The following DHRS4 variants were observed in gnomAD, a reference collection of about 807,000 sequenced individuals.
The protein encoded by DHRS4 is dehydrogenase/reductase SDR family member 4.
In DHRS4, 20 loss-of-function variants were observed where a neutral mutation model predicts 28.4. The observed-to-expected ratio is 0.71, with a 90% CI of 0.50 to 1.02. DHRS4 has a LOEUF of 1.02. Ranked by LOEUF, DHRS4 falls within the 50% of genes least tolerant of loss-of-function variation. The probability of loss-of-function intolerance (pLI) is 0.00; values close to 1 mark genes in which losing one functional copy is unlikely to be tolerated. For missense variants in DHRS4, 378 were observed against 367.2 expected, an observed-to-expected ratio of 1.03 and a Z score of -0.24; for synonymous variants, 144 against 146.4, an observed-to-expected ratio of 0.98 and a Z score of 0.12.
At chr14:23,963,955 T>G (rs1424744447) in intron 3 of DHRS4, among the ~76,000 whole-genome samples, 1 of 150,586 alleles carries the variant, frequency 6.6e-6, no homozygotes, top group Non-Finnish European at 1.5e-5. Flanking sequence ...GGGAGAGAGA[T>G]GAGAGAAGGG....
intron 3 of DHRS4, among the ~76,000 whole-genome samples, chr14:23,961,691 T>G (rs1379182896): frequency 1.1e-5 from 1 of 92,220 alleles, no homozygotes; most frequent in Non-Finnish European, 1.9e-5. Flanking sequence ...GCTAATTTTT[T>G]GTATTGAGAT....
At chr14:23,953,992 G>C (rs1328855709) in intron 1 of DHRS4, 76 bp downstream of exon 1, 6 of 1,534,738 alleles carry the variant, frequency 3.9e-6, no homozygotes, top group Admixed American at 4.0e-5. Flanking sequence ...TCGGCCTCCG[G>C]TGCCCCTGTC....
intron 2 of DHRS4, among the ~76,000 whole-genome samples, chr14:23,956,599 CTTTTTTTTTT>C (rs1229716867): frequency 1.7e-5 from 2 of 116,976 alleles, no homozygotes; most frequent in South Asian, 2.6e-4. Context: ...CCTCCATATC[CTTTTTTTTTT>C]TTTTTTTTTT....
In DHRS4 at chr14:23,965,891, G is replaced by A. The variant is rs367588491; in HGVS notation, c.480-41G>A. 220 of 1,606,598 alleles carry A rather than the reference G, an allele frequency of 1.4e-4. 8 individuals carry two copies. The highest frequency in any genetic ancestry group is 1.8e-4 in the Non-Finnish European group (214 of 1,176,250). On this transcript the variant is annotated intron_variant, in intron 4 of 7. Coordinates refer to ENST00000313250, the MANE Select transcript of DHRS4 (RefSeq NM_021004.4). ...GGACACCACACGGGCTGAGGGCACT[G>A]GTCCACAATGGGAAGATGGTCAGCT...
intron 2 of DHRS4, among the ~76,000 whole-genome samples, chr14:23,957,664 C>A (rs2033231435): frequency 6.7e-6 from 1 of 149,846 alleles, no homozygotes; most frequent in South Asian, 2.1e-4. Flanking sequence ...TCAAGCAATC[C>A]TCCCACCTCA....
chr14:23,960,696 C>A (rs1297489649), intron 3 of DHRS4, among the ~76,000 whole-genome samples: 1 of 152,024 alleles, frequency 6.6e-6, no homozygotes, highest in Non-Finnish European at 1.5e-5. Context: ...GGTTAATATT[C>A]CCACATGATT....
chr14:23,959,875 T>G lies in DHRS4; in HGVS notation c.307-27T>G, dbSNP rs375935762. ...GCACCTCCCTTACTTACTGCAGCCC[T>G]GGTCCAGAACTTACCCCTCTCTCTA... On this transcript the variant is annotated intron_variant, in intron 2 of 7. Transcript: ENST00000313250. The G allele has an allele frequency of 3.1e-6, 5 of 1,609,778 alleles. No individual in the cohort carries two copies. In the African/African-American group the frequency reaches 6.8e-5, roughly 22 times the overall value.
intron 7 of DHRS4, chr14:23,967,833 G>C (rs75271114): frequency 0.25 from 23,720 of 96,282 alleles, 1,888 homozygotes; most frequent in African/African-American, 0.6. Flanking sequence ...CTCTGTACTC[G>C]TCCAGACATC....
chr14:23,960,567 C>T (rs2033377312), intron 3 of DHRS4, among the ~76,000 whole-genome samples: 1 of 151,988 alleles, frequency 6.6e-6, no homozygotes, highest in South Asian at 2.1e-4. Flanking sequence ...TGTCTAAATT[C>T]AAGTGGTAGA....
rs1282481029 is a variant in DHRS4 at position 23,956,795 on chromosome 14, G to A, written c.306+1583G>A. Among the ~76,000 whole-genome samples the A allele has an allele frequency of 2.6e-5, 4 of 151,934 alleles. No individual in the cohort carries two copies. The East Asian group carries it at 7.7e-4, about 29-fold the overall frequency. On this transcript the variant is annotated intron_variant, in intron 2 of 7. Coordinates refer to ENST00000313250, the MANE Select transcript of DHRS4 (RefSeq NM_021004.4). ...ATTTTTGTATTTTTGGTAGAGACAG[G>A]GTTTCACCATGTTGGCCAGGCTGGT...
intron 3 of DHRS4, among the ~76,000 whole-genome samples, chr14:23,964,104 T>A (rs541290761): frequency 1.3e-5 from 2 of 149,694 alleles, no homozygotes; most frequent in East Asian, 3.9e-4. Context: ...ACAATAATAA[T>A]GGAAAGGTCT....
chr14:23,965,876 C>G (rs751394078), intron 4 of DHRS4, 44 bp downstream of exon 4: 3 of 1,606,558 alleles, frequency 1.9e-6, no homozygotes, highest in African/African-American at 2.7e-5. Flanking sequence ...GGACACCACA[C>G]GGGCTGAGGG....
rs779628144 is a variant in DHRS4 at position 23,965,962 on chromosome 14, A to G, written c.510A>G (p.Ile170Met). Residue 170 changes from isoleucine (I) to methionine (M), a missense_variant, in exon 5 of 8, where the codon ATA (isoleucine) becomes ATG (methionine). Ile to Met is a conservative substitution (Grantham distance 10). Coordinates refer to ENST00000313250, the MANE Select transcript of DHRS4 (RefSeq NM_021004.4). The part of the protein sequence containing the change: ...GGGSVVIVSS[I>M]AAFSPSPGFS... ...GCTCAGTGGTGATCGTGTCTTCCAT[A>G]GCAGCCTTCAGTCCATCTCCTGTAA... is the stretch of plus-strand genomic sequence containing the variant. 1 of 1,610,274 alleles carries G rather than the reference A, an allele frequency of 6.2e-7. No individual in the cohort carries two copies. Among genetic ancestry groups the G allele is most frequent in the Admixed American group, 1.7e-5 (1 of 59,848 alleles).
chr14:23,965,871 C>T lies in DHRS4; in HGVS notation c.479+39C>T, dbSNP rs766189705. Reference sequence around the variant, plus strand: ...GAGAGAGCCTGGGTGAGAGGGGACACCACACGGGCTGAGGGCACTGGTCCA... The same window carrying T: ...GAGAGAGCCTGGGTGAGAGGGGACATCACACGGGCTGAGGGCACTGGTCCA... On this transcript the variant is annotated intron_variant, in intron 4 of 7. Coordinates refer to ENST00000313250, the MANE Select transcript of DHRS4 (RefSeq NM_021004.4). 55 of 1,606,558 alleles carry T rather than the reference C, an allele frequency of 3.4e-5. 2 individuals carry two copies. The highest frequency in any genetic ancestry group is 4.7e-5 in the Non-Finnish European group (55 of 1,176,236).
At chr14:23,964,194 C>T (rs1431634621) in intron 3 of DHRS4, among the ~76,000 whole-genome samples, 3 of 97,638 alleles carry the variant, frequency 3.1e-5, no homozygotes, top group Non-Finnish European at 5.6e-5. Flanking sequence ...CGAATTAATG[C>T]AGGGTTGCCA....
chr14:23,967,021 G>T (rs2033650491), intron 6 of DHRS4, among the ~76,000 whole-genome samples, 190 bp from the exon 7 acceptor site: 1 of 152,054 alleles, frequency 6.6e-6, no homozygotes, highest in Admixed American at 6.6e-5. Context: ...CGGGCGCAGT[G>T]GCGAGCGCCT....
intron 2 of DHRS4, among the ~76,000 whole-genome samples, chr14:23,958,379 G>C (rs552718159): frequency 6.6e-6 from 1 of 152,142 alleles, no homozygotes; most frequent in Non-Finnish European, 1.5e-5. Context: ...CCCGTGTACT[G>C]CAACTTGCCC....
intron 2 of DHRS4, among the ~76,000 whole-genome samples, chr14:23,959,510 A>G (rs1031311245): frequency 1.9e-4 from 29 of 152,162 alleles, no homozygotes; most frequent in African/African-American, 6.5e-4. Flanking sequence ...GTGAGCTGAG[A>G]ACATGCCACT....
rs2032943652 is a variant in DHRS4 at position 23,953,827 on chromosome 14, T to G, written c.39T>G (p.Ala13=). The change falls in exon 1 of 8, where the codon GCT becomes GCG. Residue 13 remains alanine (A), a synonymous_variant. Transcript: ENST00000313250. ...GGCTGCTAGGCCTCTGTGCCCGGGC[T>G]TGGAATTCGGTGCGGATGGCCAGCT... ...KAGLLGLCAR[A]WNSVRMASSG... 6.2e-7 allele frequency: 1 copy of G among 1,613,998 alleles called. No individual in the cohort carries two copies. Among genetic ancestry groups the G allele is most frequent in the South Asian group, 1.1e-5 (1 of 91,090 alleles).
Sources: gnomAD v4.1 joint callset for allele counts (sites outside exome capture counted in the v4.1 genomes callset) on GRCh38, gnomAD v4.1.1 for gene constraint, MANE v1.5 for transcripts, NCBI Gene and HGNC (gene_info 2026-07-23, HGNC 2026-07-21) for gene names.